EPM2A: variants seen among roughly 807,000 people sequenced by gnomAD.
The protein encoded by EPM2A is laforin.
A neutral mutation model predicts 26.5 loss-of-function variants in EPM2A; 21 were observed. The observed-to-expected ratio is 0.79, with a 90% CI of 0.56 to 1.14. EPM2A has a LOEUF of 1.14. Among genes scored for constraint, EPM2A ranks in the 50% most tolerant of loss-of-function variants. EPM2A has a pLI of 0.00. For synonymous variants in EPM2A, 217 were observed against 177.6 expected (o/e 1.22, Z -1.76); for missense variants, 458 against 440.8 (o/e 1.04, Z -0.35).
intron 4 of EPM2A, among the ~76,000 whole-genome samples, chr6:145,419,685 T>G (rs1300183776): frequency 6.6e-6 from 1 of 152,128 alleles, no homozygotes; most frequent in East Asian, 1.9e-4. Context: ...CACTAAAGAC[T>G]AAAATTATCA....
chr6:145,446,903 T>C (rs1191756698), intron 4 of EPM2A, among the ~76,000 whole-genome samples: 1 of 152,146 alleles, frequency 6.6e-6, no homozygotes, highest in Non-Finnish European at 1.5e-5. Context: ...TGCTTTCATA[T>C]AGTTGTCCTT....
At chr6:145,482,747 G>A (rs920796651) in intron 4 of EPM2A, among the ~76,000 whole-genome samples, 1 of 151,994 alleles carries the variant, frequency 6.6e-6, no homozygotes, top group East Asian at 1.9e-4. Flanking sequence ...TTTGCTTTAC[G>A]AATCTCTGTT....
intron 4 of EPM2A, among the ~76,000 whole-genome samples, chr6:145,396,497 T>C (rs991298200): frequency 6.6e-6 from 1 of 152,204 alleles, no homozygotes; most frequent in African/African-American, 2.4e-5. Flanking sequence ...GAATCTGACC[T>C]ATTGCAATCC....
intron 2 of EPM2A, among the ~76,000 whole-genome samples, chr6:145,678,546 T>C (rs1780246117): frequency 6.6e-6 from 1 of 151,842 alleles, no homozygotes; most frequent in African/African-American, 2.4e-5. Flanking sequence ...CTTAAACAAA[T>C]ATACAAGAAA....
intron 4 of EPM2A, among the ~76,000 whole-genome samples, chr6:145,434,591 A>G (rs1200487028): frequency 1.3e-5 from 2 of 152,184 alleles, no homozygotes; most frequent in Admixed American, 1.3e-4. Flanking sequence ...TGGCTTGAAA[A>G]TATTAAGCAT....
intron 2 of EPM2A, among the ~76,000 whole-genome samples, chr6:145,649,447 C>T (rs1460182157): frequency 6.6e-6 from 1 of 152,164 alleles, no homozygotes; most frequent in African/African-American, 2.4e-5. Flanking sequence ...ATATTATACC[C>T]TAAAAAAGTC....
rs118100623 is a variant in EPM2A at position 145,475,528 on chromosome 6, G to A, written c.555+26994C>T. The stretch of plus-strand genomic sequence containing the variant: ...ATCTAATGTAGATGATGGGTTGATC[G>A]GTGCAGCACACCACCATGGCACATG... On this transcript the variant is annotated intron_variant, in intron 4 of 4. Coordinates refer to the EPM2A transcript ENST00000638717. 4.7e-3 allele frequency among the ~76,000 whole-genome samples: 721 copies of A among 151,884 alleles called. 23 individuals carry two copies. In the East Asian group the frequency reaches 0.086, roughly 18 times the overall value.
At chr6:145,506,915 G>C (rs1779983983) in intron 2 of EPM2A, among the ~76,000 whole-genome samples, 1 of 152,176 alleles carries the variant, frequency 6.6e-6, no homozygotes. Context: ...TAGGGTCCAG[G>C]ATGCTTGCTG....
Position 145,493,704 on chromosome 6 carries a change from G to T in EPM2A, c.555+8818C>A, listed in dbSNP as rs564087199. ...TGAGAGCTTTTAACATGAAGGAATG[G>T]TAAAATTTTATCAAAAGCCATCTCT... On this transcript the variant is annotated intron_variant, in intron 4 of 4. Coordinates refer to the EPM2A transcript ENST00000638717. Among the ~76,000 whole-genome samples the T allele has an allele frequency of 2.0e-5, 3 of 152,244 alleles. No homozygotes were observed. In the East Asian group the frequency reaches 5.8e-4, roughly 29 times the overall value.
At chr6:145,578,037 G>A (rs1414718839) in intron 2 of EPM2A, among the ~76,000 whole-genome samples, 1 of 151,780 alleles carries the variant, frequency 6.6e-6, no homozygotes, top group Non-Finnish European at 1.5e-5. Flanking sequence ...AAAATCTATG[G>A]GTTATAGCAA....
At chr6:145,572,936 T>C (rs1308818731) in intron 2 of EPM2A, among the ~76,000 whole-genome samples, 1 of 152,176 alleles carries the variant, frequency 6.6e-6, no homozygotes. Context: ...CTAGGCGTTA[T>C]GCCTCTTTCT....
chr6:145,613,861 C>A (rs959685511), intron 2 of EPM2A, among the ~76,000 whole-genome samples: 1 of 152,094 alleles, frequency 6.6e-6, no homozygotes, highest in African/African-American at 2.4e-5. Context: ...TTCTTAAGGA[C>A]CTTAGGGTCT....
intron 4 of EPM2A, among the ~76,000 whole-genome samples, chr6:145,464,502 GA>G (rs985043837): frequency 5.9e-5 from 9 of 151,878 alleles, no homozygotes; most frequent in African/African-American, 2.2e-4. Flanking sequence ...ACCATGATGG[GA>G]AAAAAATGTA....
intron 4 of EPM2A, among the ~76,000 whole-genome samples, chr6:145,416,043 CG>C (rs1778703666): frequency 6.6e-6 from 1 of 152,164 alleles, no homozygotes; most frequent in Non-Finnish European, 1.5e-5. Flanking sequence ...GCATCACCAC[CG>C]ACTCCCAGCT....
intron 4 of EPM2A, among the ~76,000 whole-genome samples, chr6:145,418,849 C>T (rs753308037): frequency 2.6e-5 from 4 of 152,152 alleles, no homozygotes; most frequent in Non-Finnish European, 5.9e-5. Context: ...CTGGCTCTTC[C>T]ACTTTTCTCC....
chr6:145,625,979 T>C lies in EPM2A; in HGVS notation c.*1437A>G, dbSNP rs529327367. Reference sequence around the variant, plus strand: ...TCTCACTTCATCTATTTATTCATCATGTGACAATAGACAGTTGAGTTAACC... The same window carrying C: ...TCTCACTTCATCTATTTATTCATCACGTGACAATAGACAGTTGAGTTAACC... On this transcript the variant is annotated 3_prime_UTR_variant, in exon 4 of 4. Transcript: ENST00000367519. The C allele has an allele frequency of 6.9e-5, 83 of 1,199,200 alleles. No homozygotes were observed. The highest frequency in any genetic ancestry group is 8.8e-5 in the Non-Finnish European group (79 of 900,742). The allele number at this position is 1,199,200 out of a possible 1,614,324, so 74.3% of individuals were successfully genotyped here.
intron 4 of EPM2A, among the ~76,000 whole-genome samples, chr6:145,477,532 C>T (rs191001561): frequency 1.1e-4 from 17 of 151,874 alleles, no homozygotes; most frequent in Middle Eastern, 3.4e-3. Flanking sequence ...AAGTCCTCAA[C>T]GAAATACTAG....
chr6:145,526,317 A>G (rs1780272712), intron 2 of EPM2A, among the ~76,000 whole-genome samples: 1 of 152,008 alleles, frequency 6.6e-6, no homozygotes, highest in Admixed American at 6.6e-5. Context: ...AAGTTGCAGA[A>G]AAGTCTTTTC....
chr6:145,567,429 T>G (rs1453999857), intron 2 of EPM2A, among the ~76,000 whole-genome samples: 1 of 152,164 alleles, frequency 6.6e-6, no homozygotes, highest in African/African-American at 2.4e-5. Context: ...TCAAGTGCAA[T>G]GTAGGTTGGA....
Sources: allele counts gnomAD v4.1 joint callset (sites outside exome capture counted in the v4.1 genomes callset), GRCh38; gene constraint gnomAD v4.1.1; transcripts MANE v1.5; gene names NCBI Gene and HGNC (gene_info 2026-07-23, HGNC 2026-07-21).